Variants in HIVEP3 observed in about 807,000 individuals in gnomAD.
HIVEP3 encodes HIVEP zinc finger 3, also known as transcription factor HIVEP3.
In HIVEP3, 49 loss-of-function variants were observed where a neutral mutation model predicts 152.8. The ratio of observed to expected loss-of-function variants is 0.32; its 90% CI spans 0.26 to 0.41. The LOEUF (loss-of-function observed/expected upper bound fraction) is 0.41. Ranked by LOEUF, HIVEP3 falls within the 10% of genes least tolerant of loss-of-function variation. The pLI, the probability that HIVEP3 is intolerant of heterozygous loss-of-function variation, is 1.00. For synonymous variants in HIVEP3, 1,269 were observed against 1,289.0 expected (o/e 0.98, Z 0.33); for missense variants, 2,790 against 3,103.3 (o/e 0.90, Z 2.40).
intron 1 of HIVEP3, among the ~76,000 whole-genome samples, chr1:41,786,483 CA>C (rs2124291067): frequency 1.3e-5 from 2 of 152,334 alleles, no homozygotes; most frequent in South Asian, 4.1e-4. Context: ...TAAGAGTCTG[CA>C]AACTACAGCC....
At chr1:42,001,126 A>G (rs2124523694) in intron 1 of HIVEP3, among the ~76,000 whole-genome samples, 1 of 152,346 alleles carries the variant, frequency 6.6e-6, no homozygotes, top group Admixed American at 6.5e-5. Flanking sequence ...AAGGTTAGAC[A>G]CAGAACCTCT....
At position 41,512,954 on chromosome 1, in the gene HIVEP3, C is replaced by G. The variant is rs200696624; in HGVS notation, c.6267G>C (p.Trp2089Cys). Residue 2089 changes from tryptophan to cysteine, a missense_variant, in exon 8 of 9, where the codon TGG (tryptophan) becomes TGC (cysteine). This residue lies in a region of HIVEP3 where 816 missense variants were observed against 806.5 expected (regional missense o/e 1.01). Coordinates refer to ENST00000372583, the MANE Select transcript of HIVEP3 (RefSeq NM_024503.5). ...AGGGGCTGCCCGGCCCAGCCAAGGC[C>G]CACTTCCCTGGCGGCGCTGACCGTG... ...SPPRSAPPGK[W>C]ALAGPGSPSA... The G allele has an allele frequency of 4.7e-5, 75 of 1,610,014 alleles. 1 individual carries two copies. In the East Asian group the frequency reaches 1.5e-3, roughly 32 times the overall value.
chr1:41,694,017 T>G (rs1036749649), intron 2 of HIVEP3, among the ~76,000 whole-genome samples: 8 of 152,228 alleles, frequency 5.3e-5, no homozygotes, highest in African/African-American at 1.9e-4. Flanking sequence ...AACACTGATT[T>G]TTTTTCTAGG....
intron 2 of HIVEP3, among the ~76,000 whole-genome samples, chr1:41,685,125 C>A (rs112982933): frequency 0.015 from 2,337 of 152,288 alleles, 28 homozygotes; most frequent in Non-Finnish European, 0.018. Context: ...AATTGGCACT[C>A]CCCCAGCCTT....
chr1:41,771,415 T>C (rs1570501196), intron 1 of HIVEP3, among the ~76,000 whole-genome samples: 1 of 152,288 alleles, frequency 6.6e-6, no homozygotes, highest in East Asian at 1.9e-4. Context: ...AGTTAAACTT[T>C]AGCCAAATTA....
chr1:41,682,365 G>A (rs925897199), intron 2 of HIVEP3, among the ~76,000 whole-genome samples: 1 of 152,084 alleles, frequency 6.6e-6, no homozygotes, highest in Non-Finnish European at 1.5e-5. Flanking sequence ...TACCTAGGTC[G>A]TGAGCTCTCA....
chr1:41,649,409 T>C lies in HIVEP3; in HGVS notation c.-720-20462A>G, dbSNP rs1645511615. Reference sequence around the variant, plus strand: ...CCCCTCATTCCCCACCATGATTCTGTTGCAGTTAGTCAACAGGCCACACTG... The same window carrying C: ...CCCCTCATTCCCCACCATGATTCTGCTGCAGTTAGTCAACAGGCCACACTG... On this transcript the variant is annotated intron_variant, in intron 2 of 8. Transcript: ENST00000372583. Among the ~76,000 whole-genome samples the C allele has an allele frequency of 2.0e-5, 3 of 152,320 alleles. No homozygotes were observed. The South Asian group carries it at 6.2e-4, about 32-fold the overall frequency.
Position 41,582,534 on chromosome 1 carries a change from T to G in HIVEP3, c.2264A>C (p.Lys755Thr). ...TGATTTACTTGGTTCTGCTGGTGAC[T>G]TGGTGGACTCCAGGGGAAGGTTCCG... Reference protein sequence around the residue: ...AARNLPLESTKSPAEPSKSVP... With the variant: ...AARNLPLESTTSPAEPSKSVP... Residue 755 changes from lysine (K) to threonine (T), a missense_variant, in exon 4 of 9, where the codon AAG (lysine) becomes ACG (threonine). Transcript: ENST00000372583. This position sits in a 1 kb window ranked among gnomAD's most constrained non-coding sequence, Gnocchi z 4.7. 1 of 1,611,392 alleles carries G rather than the reference T, an allele frequency of 6.2e-7. No individual in the cohort carries two copies. Among genetic ancestry groups the G allele is most frequent in the Non-Finnish European group, 8.5e-7 (1 of 1,178,310 alleles).
At chr1:41,847,135 T>C (rs1266441756) in intron 1 of HIVEP3, 1 of 152,202 alleles carries the variant, frequency 6.6e-6, no homozygotes, top group Admixed American at 6.5e-5. Context: ...CTTTTGCAAA[T>C]TTTCTTTTGA....
intron 2 of HIVEP3, among the ~76,000 whole-genome samples, chr1:41,650,459 T>C (rs189908318): frequency 6.6e-6 from 1 of 152,296 alleles, no homozygotes; most frequent in East Asian, 1.9e-4. Flanking sequence ...CTGTGTTAAA[T>C]ATTTGTCAAG....
Position 41,752,046 on chromosome 1 carries a change from T to C in HIVEP3, c.-800-51051A>G, listed in dbSNP as rs115582379. On this transcript the variant is annotated intron_variant, in intron 1 of 8. Coordinates refer to ENST00000372583, the MANE Select transcript of HIVEP3 (RefSeq NM_024503.5). ...AGGTGATGGGTTCAAGTCTTACCTA[T>C]GTCATCACTCAGGGGTGTGACTTTG... Among the ~76,000 whole-genome samples the C allele has an allele frequency of 3.4e-3, 525 of 152,312 alleles. 2 individuals carry two copies. The highest frequency in any genetic ancestry group is 5.6e-3 in the Non-Finnish European group (379 of 68,026).
intron 1 of HIVEP3, among the ~76,000 whole-genome samples, chr1:41,938,533 T>C (rs1645030668): frequency 6.6e-6 from 1 of 152,138 alleles, no homozygotes; most frequent in Non-Finnish European, 1.5e-5. Context: ...TGTTGATTAA[T>C]GCCATCTAGA....
At chr1:41,558,693 C>T (rs1330081630) in intron 5 of HIVEP3, among the ~76,000 whole-genome samples, 1 of 152,198 alleles carries the variant, frequency 6.6e-6, no homozygotes, top group Non-Finnish European at 1.5e-5. Flanking sequence ...CAGCTGCCTC[C>T]ATTCCTTGTC....
At chr1:41,667,135 G>A (rs979865897) in intron 2 of HIVEP3, among the ~76,000 whole-genome samples, 1 of 152,192 alleles carries the variant, frequency 6.6e-6, no homozygotes, top group Non-Finnish European at 1.5e-5. Flanking sequence ...GCCCCACTAT[G>A]AGAGTCATTT....
chr1:41,650,205 C>G (rs959929883), intron 2 of HIVEP3, among the ~76,000 whole-genome samples: 2 of 151,964 alleles, frequency 1.3e-5, no homozygotes, highest in African/African-American at 2.4e-5. Context: ...AGAAAGGACC[C>G]GAGGGACTGC....
intron 1 of HIVEP3, among the ~76,000 whole-genome samples, chr1:41,710,525 C>A (rs995810564): frequency 6.6e-6 from 1 of 152,214 alleles, no homozygotes; most frequent in East Asian, 1.9e-4. Context: ...ATCCTCTCCC[C>A]CATCTCTTCT....
intron 1 of HIVEP3, among the ~76,000 whole-genome samples, chr1:41,765,900 T>C (rs1647978913): frequency 6.6e-6 from 1 of 152,220 alleles, no homozygotes; most frequent in Admixed American, 6.5e-5. Context: ...GGAGCACCCC[T>C]GTCTGGGGTG....
Position 41,580,680 on chromosome 1 carries a change from A to C in HIVEP3, c.4118T>G (p.Val1373Gly). 6.2e-7 allele frequency: 1 copy of C among 1,612,188 alleles called. No homozygotes were observed. Among genetic ancestry groups the C allele is most frequent in the South Asian group, 1.1e-5 (1 of 90,770 alleles). The change falls in exon 4 of 9, where the codon GTG (valine) becomes GGG (glycine). Residue 1373 changes from valine to glycine, a missense_variant. By Grantham distance (109) the Val-to-Gly change is moderately radical. Coordinates refer to ENST00000372583, the MANE Select transcript of HIVEP3 (RefSeq NM_024503.5). ...AGAAGGGCCGGGCCCAACCTCATGC[A>C]CATCTGCACCACATACAGTCGTCCC... is the stretch of plus-strand genomic sequence containing the variant. ...SKGTTVCGADVHEVGPGPSGL... is the reference protein window; with the variant it reads ...SKGTTVCGADGHEVGPGPSGL...
chr1:41,582,994 T>C lies in HIVEP3; in HGVS notation c.1804A>G (p.Ser602Gly). ...AIELPLGGEY[S>G]SEEPGPSSKD... ...CTGCTTGGGCCAGGCTCCTCAGAAC[T>C]GTATTCCCCTCCCAAAGGTAATTCG... is the stretch of plus-strand genomic sequence containing the variant. The change falls in exon 4 of 9, where the codon AGT becomes GGT. Residue 602 changes from serine (S) to glycine (G), a missense_variant. By Grantham distance (56) the Ser-to-Gly change is moderately conservative. This residue lies in a region of HIVEP3 where 339 missense variants were observed against 327.0 expected (regional missense o/e 1.04). Coordinates refer to ENST00000372583, the MANE Select transcript of HIVEP3 (RefSeq NM_024503.5). This position sits in a 1 kb window ranked among gnomAD's most constrained non-coding sequence, Gnocchi z 4.7. 6.2e-7 allele frequency: 1 copy of C among 1,614,116 alleles called. No individual in the cohort carries two copies. The highest frequency in any genetic ancestry group is 8.5e-7 in the Non-Finnish European group (1 of 1,180,034).
Sources: gnomAD v4.1 joint callset for allele counts (sites outside exome capture counted in the v4.1 genomes callset) on GRCh38, gnomAD v4.1.1 for gene constraint, gnomAD v4.1.1 regional missense constraint, Gnocchi (gnomAD v3.1) non-coding constraint, MANE v1.5 for transcripts, NCBI Gene and HGNC (gene_info 2026-07-23, HGNC 2026-07-21) for gene names.